CCDC6: variants seen among roughly 807,000 people sequenced by gnomAD.
CCDC6 encodes coiled-coil domain containing 6.
CCDC6 carries 20 observed loss-of-function variants against 56.6 expected under a neutral mutation model. That is an observed-to-expected ratio of 0.35 (90% confidence interval 0.25 to 0.51). The LOEUF is 0.51. Among genes scored for constraint, CCDC6 ranks in the 20% least tolerant of loss-of-function variants. The pLI is 0.95. For synonymous variants in CCDC6, 241 were observed against 234.4 expected (o/e 1.03, Z -0.26); for missense variants, 367 against 601.1 (o/e 0.61, Z 4.07).
intron 2 of CCDC6, among the ~76,000 whole-genome samples, chr10:59,849,079 G>T (rs932288003): frequency 6.6e-6 from 1 of 152,130 alleles, no homozygotes; most frequent in African/African-American, 2.4e-5. Flanking sequence ...TACAAATAAC[G>T]ATTAAAGCAC....
intron 6 of CCDC6, chr10:59,806,698 A>C: frequency 2.2e-6 from 1 of 462,272 alleles, no homozygotes. Flanking sequence ...CTCCCCACCA[A>C]ATGATTTTAG....
chr10:59,836,622 C>G (rs1449449004), intron 2 of CCDC6, among the ~76,000 whole-genome samples: 1 of 152,136 alleles, frequency 6.6e-6, no homozygotes, highest in African/African-American at 2.4e-5. Context: ...ATATATAAAG[C>G]TAAATGCCTA....
intron 2 of CCDC6, among the ~76,000 whole-genome samples, chr10:59,833,172 G>A (rs1466670104): frequency 6.6e-6 from 1 of 152,212 alleles, no homozygotes; most frequent in Non-Finnish European, 1.5e-5. Context: ...ATGTTGGCTG[G>A]TCATGGTGGC....
intron 3 of CCDC6, among the ~76,000 whole-genome samples, chr10:59,819,894 T>C (rs145303896): frequency 3.3e-5 from 5 of 152,348 alleles, no homozygotes; most frequent in African/African-American, 1.2e-4. Context: ...GAGCTGAATA[T>C]TCATTGGAAA....
intron 1 of CCDC6, among the ~76,000 whole-genome samples, chr10:59,862,822 A>T (rs1453478869): frequency 1.3e-5 from 2 of 152,110 alleles, no homozygotes; most frequent in Non-Finnish European, 2.9e-5. Context: ...ACATTGGTAC[A>T]AATATTTTGA....
intron 3 of CCDC6, among the ~76,000 whole-genome samples, chr10:59,822,667 G>A (rs2070757775): frequency 6.6e-6 from 1 of 152,142 alleles, no homozygotes; most frequent in African/African-American, 2.4e-5. Flanking sequence ...GGCTCATGCA[G>A]GAGGACTGCT....
intron 2 of CCDC6, among the ~76,000 whole-genome samples, chr10:59,843,163 G>A (rs2070957496): frequency 6.6e-6 from 1 of 152,196 alleles, no homozygotes; most frequent in Admixed American, 6.6e-5. Context: ...TGGGATTACA[G>A]GCGTGAGCCA....
At chr10:59,827,121 G>C (rs2070794552) in intron 3 of CCDC6, among the ~76,000 whole-genome samples, 1 of 152,204 alleles carries the variant, frequency 6.6e-6, no homozygotes, top group African/African-American at 2.4e-5. Context: ...ATAGGATAGA[G>C]GAGGGAGAAA....
intron 1 of CCDC6, among the ~76,000 whole-genome samples, chr10:59,901,071 C>A (rs1046455775): frequency 2.6e-5 from 4 of 151,996 alleles, no homozygotes; most frequent in African/African-American, 9.7e-5. Flanking sequence ...AAAAAACAAA[C>A]GGTTTTTAAA....
intron 1 of CCDC6, among the ~76,000 whole-genome samples, chr10:59,876,353 A>G (rs1476804760): frequency 6.6e-6 from 1 of 151,862 alleles, no homozygotes; most frequent in East Asian, 1.9e-4. Flanking sequence ...CCAGCCTCAC[A>G]TATCATTTTT....
chr10:59,802,778 TAGA>T (rs1564737616), intron 7 of CCDC6, among the ~76,000 whole-genome samples: 2 of 152,340 alleles, frequency 1.3e-5, no homozygotes, highest in East Asian at 3.9e-4. Context: ...TTTGTTAAAA[TAGA>T]AGGAATATTC....
chr10:59,853,868 G>GA (rs1044976528), intron 1 of CCDC6, among the ~76,000 whole-genome samples: 3 of 152,030 alleles, frequency 2.0e-5, no homozygotes, highest in Non-Finnish European at 2.9e-5. Flanking sequence ...CTCTCTCCCT[G>GA]AAAAAAATGT....
intron 1 of CCDC6, among the ~76,000 whole-genome samples, chr10:59,865,716 G>A (rs2071171062): frequency 6.6e-6 from 1 of 151,778 alleles, no homozygotes; most frequent in African/African-American, 2.4e-5. Context: ...GCTGGGTGTG[G>A]TGGCCCGTGC....
intron 1 of CCDC6, among the ~76,000 whole-genome samples, chr10:59,890,219 T>A (rs2071411622): frequency 6.6e-6 from 1 of 151,944 alleles, no homozygotes; most frequent in South Asian, 2.1e-4. Context: ...TTTCGTAACA[T>A]GTGGCCAAGT....
rs528584172 is a variant in CCDC6 at position 59,825,207 on chromosome 10, T to C, written c.582+7318A>G. ...GTACTCCCATAATTCCCACATGTTG[T>C]GGGAGGGAACTGGTGGGAGATAATT... On this transcript the variant is annotated intron_variant, in intron 3 of 8. Coordinates refer to ENST00000263102, the MANE Select transcript of CCDC6 (RefSeq NM_005436.5). Among the ~76,000 whole-genome samples, 59 of 152,352 alleles carry C rather than the reference T, an allele frequency of 3.9e-4. No homozygotes were observed. In the South Asian group the frequency reaches 7.5e-3, roughly 19 times the overall value.
At chr10:59,801,710 A>G (rs535632634) in intron 7 of CCDC6, among the ~76,000 whole-genome samples, 2 of 152,202 alleles carry the variant, frequency 1.3e-5, no homozygotes, top group Non-Finnish European at 2.9e-5. Context: ...TCATTTATTC[A>G]TATCAGTATG....
chr10:59,878,353 T>C (rs1360410105), intron 1 of CCDC6, among the ~76,000 whole-genome samples: 1 of 152,180 alleles, frequency 6.6e-6, no homozygotes, highest in African/African-American at 2.4e-5. Flanking sequence ...TCTACTTGAA[T>C]TGGTCTGAGT....
At chr10:59,872,061 C>T (rs1002505127) in intron 1 of CCDC6, among the ~76,000 whole-genome samples, 2 of 152,222 alleles carry the variant, frequency 1.3e-5, no homozygotes, top group East Asian at 3.8e-4. Context: ...TGTGCTTACA[C>T]ATTTTACAAA....
intron 5 of CCDC6, among the ~76,000 whole-genome samples, chr10:59,811,412 G>T (rs1050936572): frequency 6.6e-6 from 1 of 152,172 alleles, no homozygotes; most frequent in Non-Finnish European, 1.5e-5. Flanking sequence ...TATCAAACAC[G>T]TGTATAGAGA....
Sources: gnomAD v4.1 joint callset for allele counts (sites outside exome capture counted in the v4.1 genomes callset) on GRCh38, gnomAD v4.1.1 for gene constraint, MANE v1.5 for transcripts, NCBI Gene and HGNC (gene_info 2026-07-23, HGNC 2026-07-21) for gene names.